The following AIM2 variants were observed in gnomAD, a reference collection of about 807,000 sequenced individuals.
AIM2 encodes the protein interferon-inducible protein AIM2.
AIM2 carries 30 observed loss-of-function variants against 27.7 expected under a neutral mutation model. The ratio of observed to expected loss-of-function variants is 1.08; its 90% confidence interval spans 0.81 to 1.47. The LOEUF (loss-of-function observed/expected upper bound fraction) is 1.47, where lower values mean the gene tolerates loss of function less well. AIM2 is among the 40% of genes most tolerant of loss of function. The probability of loss-of-function intolerance (pLI) is 0.00; values close to 1 mark genes in which losing one functional copy is unlikely to be tolerated. For synonymous variants in AIM2, 141 were observed against 145.3 expected, an observed-to-expected ratio of 0.97 and a Z score of 0.21; for missense variants, 358 against 411.3, an observed-to-expected ratio of 0.87 and a Z score of 1.12.
chr1:159,063,732 G>T, intron 4 of AIM2, 58 bp from the exon 5 acceptor site: 1 of 1,519,952 alleles, frequency 6.6e-7, no homozygotes, highest in South Asian at 1.2e-5. Flanking sequence ...TGCCGCATCA[G>T]TCACACATCA....
intron 1 of AIM2, among the ~76,000 whole-genome samples, chr1:159,097,933 C>T (rs1436772257): frequency 1.3e-5 from 2 of 152,082 alleles, no homozygotes; most frequent in East Asian, 1.9e-4. Flanking sequence ...GGGTCTTCTT[C>T]GTTTTTCTCA....
intron 1 of AIM2, among the ~76,000 whole-genome samples, chr1:159,111,407 C>T (rs2102028795): frequency 6.6e-6 from 1 of 152,220 alleles, no homozygotes; most frequent in South Asian, 2.1e-4. Context: ...GTGAATGTAC[C>T]AAATGCCACA....
chr1:159,131,585 T>G (rs1193841490), intron 1 of AIM2, among the ~76,000 whole-genome samples: 1 of 152,198 alleles, frequency 6.6e-6, no homozygotes, highest in East Asian at 1.9e-4. Context: ...AAGACAAGAC[T>G]ATTTAAAAAA....
chr1:159,138,032 T>C (rs1648044537), intron 1 of AIM2, among the ~76,000 whole-genome samples: 1 of 152,242 alleles, frequency 6.6e-6, no homozygotes, highest in Admixed American at 6.5e-5. Flanking sequence ...TTATTTCTTT[T>C]TATTCCTCTC....
At chr1:159,111,972 G>A (rs933104462) in intron 1 of AIM2, among the ~76,000 whole-genome samples, 4 of 151,976 alleles carry the variant, frequency 2.6e-5, no homozygotes, top group African/African-American at 9.7e-5. Context: ...AACCTAGGAG[G>A]TGGAGGTTGC....
At chr1:159,094,208 C>CT (rs1657118867) in intron 1 of AIM2, among the ~76,000 whole-genome samples, 1 of 152,140 alleles carries the variant, frequency 6.6e-6, no homozygotes. Context: ...TGATAACACT[C>CT]TATTAGGTTG....
upstream of AIM2, among the ~76,000 whole-genome samples, chr1:159,144,379 C>T (rs1322240885): frequency 6.6e-6 from 1 of 152,142 alleles, no homozygotes; most frequent in East Asian, 1.9e-4. Flanking sequence ...GTCTCTCTGA[C>T]ATCTCATTTT....
chr1:159,134,026 T>G (rs1156664725), intron 1 of AIM2, among the ~76,000 whole-genome samples: 1 of 152,158 alleles, frequency 6.6e-6, no homozygotes, highest in Non-Finnish European at 1.5e-5. Flanking sequence ...CTCACCATTT[T>G]CTCCCCCAAA....
chr1:159,058,588 C>T (rs855865), downstream of AIM2, among the ~76,000 whole-genome samples: 116,486 of 151,874 alleles, frequency 0.77, 45,348 homozygotes, highest in Admixed American at 0.86. Context: ...GAAGCGACAA[C>T]GGGGGTGGGG....
At chr1:159,063,201 C>T (rs1252624588) in intron 5 of AIM2, among the ~76,000 whole-genome samples, 1 of 152,188 alleles carries the variant, frequency 6.6e-6, no homozygotes, top group Non-Finnish European at 1.5e-5. Context: ...CGACTCTGGG[C>T]AAGCTTTCTG....
intron 1 of AIM2, among the ~76,000 whole-genome samples, chr1:159,134,822 ACT>A (rs919707161): frequency 1.1e-4 from 17 of 151,650 alleles, no homozygotes; most frequent in African/African-American, 3.9e-4. Flanking sequence ...ACGGGGCAAG[ACT>A]CTGTTGAAAA....
chr1:159,128,634 C>T (rs1377249273), intron 1 of AIM2, among the ~76,000 whole-genome samples: 1 of 152,078 alleles, frequency 6.6e-6, no homozygotes, highest in African/African-American at 2.4e-5. Flanking sequence ...TTCCTTCCCT[C>T]CCACACCCCC....
intron 1 of AIM2, among the ~76,000 whole-genome samples, chr1:159,085,041 A>C (rs1396983493): frequency 6.6e-6 from 1 of 152,188 alleles, no homozygotes; most frequent in African/African-American, 2.4e-5. Context: ...TGCAATTGCT[A>C]AATCTACAGA....
intron 1 of AIM2, among the ~76,000 whole-genome samples, chr1:159,106,339 C>G (rs986038733): frequency 6.6e-6 from 1 of 152,244 alleles, no homozygotes; most frequent in African/African-American, 2.4e-5. Flanking sequence ...CCAGCATCTT[C>G]ACAGTGGCTG....
intron 1 of AIM2, among the ~76,000 whole-genome samples, chr1:159,082,282 A>T (rs1185988943): frequency 6.6e-6 from 1 of 152,194 alleles, no homozygotes; most frequent in East Asian, 1.9e-4. Context: ...GTAAGGAAGG[A>T]ACAAAATTAT....
At chr1:159,145,925 G>A (rs1648192958) in intron 1 of AIM2, among the ~76,000 whole-genome samples, 1 of 152,116 alleles carries the variant, frequency 6.6e-6, no homozygotes, top group African/African-American at 2.4e-5. Flanking sequence ...GGCCAATATG[G>A]TGAAACCCCA....
At chr1:159,094,304 A>G (rs1194497955) in intron 1 of AIM2, among the ~76,000 whole-genome samples, 1 of 152,232 alleles carries the variant, frequency 6.6e-6, no homozygotes, top group African/African-American at 2.4e-5. Flanking sequence ...CTAATATTTC[A>G]TAAATTGGGT....
intron 1 of AIM2, among the ~76,000 whole-genome samples, chr1:159,132,548 A>G (rs1309969979): frequency 6.6e-6 from 1 of 152,206 alleles, no homozygotes; most frequent in African/African-American, 2.4e-5. Flanking sequence ...AAGAATTAAA[A>G]TCATCTCTTT....
chr1:159,060,287 T>C (rs1272127774), downstream of AIM2, among the ~76,000 whole-genome samples: 3 of 152,166 alleles, frequency 2.0e-5, no homozygotes, highest in African/African-American at 7.2e-5. Flanking sequence ...TTTCTGTGAG[T>C]CTCTTTAAAG....
Sources: gnomAD v4.1 joint callset for allele counts (sites outside exome capture counted in the v4.1 genomes callset) on GRCh38, gnomAD v4.1.1 for gene constraint, MANE v1.5 for transcripts, NCBI Gene and HGNC (gene_info 2026-07-23, HGNC 2026-07-21) for gene names.